The following KPNA1 variants were observed in gnomAD, a reference collection of about 807,000 sequenced individuals.
KPNA1 encodes the protein karyopherin subunit alpha 1.
In KPNA1, 10 loss-of-function variants were observed where a neutral mutation model predicts 70.5. That is an observed-to-expected ratio of 0.14 (90% CI 0.09 to 0.24). KPNA1 has a LOEUF of 0.24. KPNA1 is among the 10% of genes least tolerant of loss of function. The probability of loss-of-function intolerance (pLI) is 1.00; values close to 1 mark genes in which losing one functional copy is unlikely to be tolerated. For synonymous variants in KPNA1, 192 were observed against 221.9 expected, an observed-to-expected ratio of 0.87 and a Z score of 1.20; for missense variants, 397 against 637.9, an observed-to-expected ratio of 0.62 and a Z score of 4.07.
chr3:122,474,006 G>T (rs1054371208), intron 2 of KPNA1, among the ~76,000 whole-genome samples: 2 of 152,068 alleles, frequency 1.3e-5, no homozygotes, highest in Non-Finnish European at 2.9e-5. Flanking sequence ...TTATAGCAAG[G>T]TTACATGACA....
Position 122,426,875 on chromosome 3 carries a change from G to T in KPNA1, c.*110C>A. 1 of 839,972 alleles carries T rather than the reference G, an allele frequency of 1.2e-6. No homozygotes were observed. The highest frequency in any genetic ancestry group is 1.9e-6 in the Non-Finnish European group (1 of 533,766). 52.0% of individuals were successfully genotyped at this position (839,972 alleles called of 1,614,324 possible). A position where few individuals can be genotyped will look rare whatever the true frequency, so the allele number is the denominator to read the frequency against. ...CAAGGCAAGCAAATGAGCGCAAACAGTATTATGGAAAACATTTGAGAAGTT... is the reference window on the plus strand; with the variant it reads ...CAAGGCAAGCAAATGAGCGCAAACATTATTATGGAAAACATTTGAGAAGTT... On this transcript the variant is annotated 3_prime_UTR_variant, in exon 14 of 14. Coordinates refer to ENST00000344337, the MANE Select transcript of KPNA1 (RefSeq NM_002264.4).
chr3:122,513,654 C>A (rs1205896118), intron 1 of KPNA1, among the ~76,000 whole-genome samples: 13 of 150,350 alleles, frequency 8.6e-5, no homozygotes, highest in Middle Eastern at 3.4e-3. Flanking sequence ...AAAAAAAAAA[C>A]AAAACAGGAG....
Position 122,427,731 on chromosome 3 carries a change from T to C in KPNA1, c.1251-15A>G. On this transcript the variant is annotated splice_polypyrimidine_tract_variant and intron_variant, in intron 12 of 13. Coordinates refer to ENST00000344337, the MANE Select transcript of KPNA1 (RefSeq NM_002264.4). ...CTACTAGGTACCTAAATACAAAGAA[T>C]AATGTAGTCAAACAAAACTTTTAAT... The C allele has an allele frequency of 1.3e-6, 2 of 1,497,384 alleles. No individual in the cohort carries two copies. Among genetic ancestry groups the C allele is most frequent in the Non-Finnish European group, 1.8e-6 (2 of 1,115,106 alleles). The allele number at this position is 1,497,384 out of a possible 1,614,324, so 92.8% of individuals were successfully genotyped here.
chr3:122,493,855 G>C (rs1285994404), intron 2 of KPNA1, among the ~76,000 whole-genome samples: 1 of 152,092 alleles, frequency 6.6e-6, no homozygotes, highest in Non-Finnish European at 1.5e-5. Context: ...AAAGTGCTGG[G>C]ATTACAGGCA....
chr3:122,480,006 G>A (rs2076552374), intron 2 of KPNA1, among the ~76,000 whole-genome samples: 1 of 152,028 alleles, frequency 6.6e-6, no homozygotes, highest in Admixed American at 6.6e-5. Flanking sequence ...ATGAAGCCGT[G>A]GAAAGACATG....
chr3:122,463,689 T>G (rs1465873847), intron 4 of KPNA1, among the ~76,000 whole-genome samples: 7 of 152,216 alleles, frequency 4.6e-5, no homozygotes, highest in Admixed American at 4.6e-4. Context: ...TACTGACTAC[T>G]ATTCACTATA....
At position 122,426,812 on chromosome 3, in the gene KPNA1, C is replaced by G. The variant is rs1043664293; in HGVS notation, c.*173G>C. 2 of 522,856 alleles carry G rather than the reference C, an allele frequency of 3.8e-6. No individual in the cohort carries two copies. Among genetic ancestry groups the G allele is most frequent in the East Asian group, 6.0e-5 (2 of 33,450 alleles). The allele number at this position is 522,856 out of a possible 1,614,324, so 32.4% of individuals were successfully genotyped here. ...TAGAAGGGTATTCCACCACAGAGAGCCGGAGGTTTTCCAGATGTGTGTAAG... is the reference window on the plus strand; with the variant it reads ...TAGAAGGGTATTCCACCACAGAGAGGCGGAGGTTTTCCAGATGTGTGTAAG... On this transcript the variant is annotated 3_prime_UTR_variant, in exon 14 of 14. Transcript: ENST00000344337.
At chr3:122,458,586 C>T (rs1048436554) in intron 5 of KPNA1, among the ~76,000 whole-genome samples, 1 of 152,174 alleles carries the variant, frequency 6.6e-6, no homozygotes, top group African/African-American at 2.4e-5. Context: ...TTCCTCTTGG[C>T]ACCACATAGC....
intron 12 of KPNA1, among the ~76,000 whole-genome samples, chr3:122,429,446 CAA>C (rs57991855): frequency 1.0e-4 from 6 of 58,782 alleles, no homozygotes; most frequent in Admixed American, 7.3e-4. Context: ...AACTCTGTCT[CAA>C]AAAAAAAAAA....
intron 11 of KPNA1, among the ~76,000 whole-genome samples, chr3:122,434,346 T>C (rs920703429): frequency 2.6e-5 from 4 of 152,230 alleles, no homozygotes; most frequent in Admixed American, 6.5e-5. Flanking sequence ...ACTTTCCTCT[T>C]TTGTTCTGCC....
chr3:122,482,888 G>A (rs2076587300), intron 2 of KPNA1: 1 of 151,758 alleles, frequency 6.6e-6, no homozygotes, highest in Admixed American at 6.6e-5. Flanking sequence ...GACTGGGGAG[G>A]ACGGGATGGG....
intron 12 of KPNA1, among the ~76,000 whole-genome samples, chr3:122,428,961 T>C (rs1224210419): frequency 6.6e-6 from 1 of 152,128 alleles, no homozygotes. Flanking sequence ...TGAACATGAA[T>C]ACAAAAATCC....
chr3:122,459,418 G>T (rs745411972), intron 5 of KPNA1: 10 of 985,128 alleles, frequency 1.0e-5, no homozygotes, highest in Non-Finnish European at 1.2e-5. Flanking sequence ...TTTTCAGCAT[G>T]AACAAAATAA....
intron 10 of KPNA1, among the ~76,000 whole-genome samples, chr3:122,440,486 A>G (rs920500938): frequency 1.3e-5 from 2 of 152,204 alleles, no homozygotes; most frequent in Non-Finnish European, 2.9e-5. Flanking sequence ...AAAAGCATAC[A>G]GCATATGGAG....
rs768710154 is a variant in KPNA1, at chr3:122,426,960, A to G, written c.*25T>C. 3.1e-6 allele frequency: 5 copies of G among 1,601,460 alleles called. No homozygotes were observed. Among genetic ancestry groups the G allele is most frequent in the East Asian group, 2.2e-5 (1 of 44,816 alleles). On this transcript the variant is annotated 3_prime_UTR_variant, in exon 14 of 14. Coordinates refer to ENST00000344337, the MANE Select transcript of KPNA1 (RefSeq NM_002264.4). ...TCGACTGGGTAGCCTGGTCTGACAC[A>G]GGTACGTGAAAGCAGAGTATTGCTT...
At chr3:122,476,378 G>C (rs967905677) in intron 2 of KPNA1, among the ~76,000 whole-genome samples, 2 of 152,018 alleles carry the variant, frequency 1.3e-5, no homozygotes, top group Non-Finnish European at 2.9e-5. Flanking sequence ...ATGATTTTTT[G>C]GATGGAACCC....
At chr3:122,488,184 G>A (rs2107488758) in intron 2 of KPNA1, among the ~76,000 whole-genome samples, 1 of 152,254 alleles carries the variant, frequency 6.6e-6, no homozygotes, top group Middle Eastern at 3.4e-3. Context: ...AAAATTTGAG[G>A]TGAAAAGCTG....
In KPNA1 at chr3:122,485,141, T is replaced by C. The variant is rs563813787; in HGVS notation, c.129+11296A>G. ...CTTACCCAGGCTGGTCTCAAACTCCTGTGCTTAAGCAATCTTCCCGCCTCG... is the reference window on the plus strand; with the variant it reads ...CTTACCCAGGCTGGTCTCAAACTCCCGTGCTTAAGCAATCTTCCCGCCTCG... On this transcript the variant is annotated intron_variant, in intron 2 of 13. Coordinates refer to ENST00000344337, the MANE Select transcript of KPNA1 (RefSeq NM_002264.4). Among the ~76,000 whole-genome samples, 3 of 152,282 alleles carry C rather than the reference T, an allele frequency of 2.0e-5. No homozygotes were observed. The South Asian group carries it at 6.2e-4, about 32-fold the overall frequency.
At chr3:122,445,952 A>G (rs1213672909) in intron 9 of KPNA1, among the ~76,000 whole-genome samples, 2 of 152,256 alleles carry the variant, frequency 1.3e-5, no homozygotes, top group Non-Finnish European at 1.5e-5. Flanking sequence ...TAAAGGGATC[A>G]ATTCAACAAG....
Sources: gnomAD v4.1 joint callset for allele counts (sites outside exome capture counted in the v4.1 genomes callset) on GRCh38, gnomAD v4.1.1 for gene constraint, MANE v1.5 for transcripts, NCBI Gene and HGNC (gene_info 2026-07-23, HGNC 2026-07-21) for gene names.